PTPRT: variants seen among roughly 807,000 people sequenced by gnomAD.
PTPRT encodes receptor-type tyrosine-protein phosphatase T.
In PTPRT, 56 loss-of-function variants were observed where a neutral mutation model predicts 176.8. The observed-to-expected ratio is 0.32, with a 90% CI of 0.26 to 0.40. The LOEUF is 0.40. Among genes scored for constraint, PTPRT ranks in the 10% least tolerant of loss-of-function variants. PTPRT has a pLI of 1.00. For missense variants in PTPRT, 1,540 were observed against 1,908.2 expected, an observed-to-expected ratio of 0.81 and a Z score of 3.60; for synonymous variants, 783 against 739.0, an observed-to-expected ratio of 1.06 and a Z score of -0.96.
chr20:43,042,708 C>CCCGCCATCTCT (rs1986661218), intron 1 of PTPRT, among the ~76,000 whole-genome samples: 11 of 107,042 alleles, frequency 1.0e-4, no homozygotes, highest in East Asian at 5.7e-4. Flanking sequence ...CTTCCACCCA[C>CCCGCCATCTCT]CCTCCCACCC....
At chr20:42,695,733 T>C (rs1259813404) in intron 6 of PTPRT, among the ~76,000 whole-genome samples, 1 of 152,208 alleles carries the variant, frequency 6.6e-6, no homozygotes, top group African/African-American at 2.4e-5. Context: ...GATTCATTAG[T>C]AAGCAGCTGT....
intron 6 of PTPRT, among the ~76,000 whole-genome samples, chr20:42,706,159 ATC>A (rs113720952): frequency 1.8e-4 from 25 of 141,636 alleles, no homozygotes; most frequent in Non-Finnish European, 2.2e-4. Context: ...GTCTCTCTTT[ATC>A]TCTCTCTCTC....
intron 7 of PTPRT, among the ~76,000 whole-genome samples, chr20:42,573,093 A>T (rs1477211453): frequency 6.6e-6 from 1 of 152,146 alleles, no homozygotes; most frequent in Non-Finnish European, 1.5e-5. Flanking sequence ...CAAATTACAG[A>T]ATGAATTAAT....
intron 2 of PTPRT, among the ~76,000 whole-genome samples, chr20:42,803,478 A>T (rs1420549731): frequency 6.6e-6 from 1 of 152,200 alleles, no homozygotes; most frequent in Non-Finnish European, 1.5e-5. Flanking sequence ...TGCTTTTCCC[A>T]AGAAGGGACA....
intron 15 of PTPRT, among the ~76,000 whole-genome samples, chr20:42,203,067 T>C (rs757312807): frequency 4.6e-5 from 7 of 152,218 alleles, no homozygotes; most frequent in Admixed American, 3.9e-4. Context: ...GATGGCTGAC[T>C]CTGTATTTTC....
At chr20:42,599,090 T>G (rs2073729211) in intron 7 of PTPRT, among the ~76,000 whole-genome samples, 1 of 152,100 alleles carries the variant, frequency 6.6e-6, no homozygotes, top group Non-Finnish European at 1.5e-5. Flanking sequence ...GAGGACCTGG[T>G]GGCAAGGGAG....
chr20:43,111,206 A>T (rs1278750517), intron 1 of PTPRT, among the ~76,000 whole-genome samples: 1 of 152,078 alleles, frequency 6.6e-6, no homozygotes, highest in Non-Finnish European at 1.5e-5. Flanking sequence ...CTATAGGAGT[A>T]AGTCTCTGTT....
At chr20:43,010,806 C>G (rs553498009) in intron 1 of PTPRT, among the ~76,000 whole-genome samples, 3 of 152,030 alleles carry the variant, frequency 2.0e-5, no homozygotes. Flanking sequence ...AGGTTCTTCA[C>G]GTATCAAGGA....
intron 14 of PTPRT, among the ~76,000 whole-genome samples, chr20:42,242,807 C>T (rs1014972093): frequency 3.9e-5 from 6 of 152,146 alleles, no homozygotes; most frequent in Non-Finnish European, 7.4e-5. Context: ...TACTTCTTCC[C>T]TCACTTCCAC....
intron 9 of PTPRT, among the ~76,000 whole-genome samples, chr20:42,359,423 C>T (rs2058401603): frequency 6.6e-6 from 1 of 152,220 alleles, no homozygotes; most frequent in African/African-American, 2.4e-5. Context: ...GGAGCCAACA[C>T]ATGGCCCCAG....
chr20:42,542,898 G>A (rs1704083024), intron 7 of PTPRT, among the ~76,000 whole-genome samples: 1 of 152,192 alleles, frequency 6.6e-6, no homozygotes, highest in African/African-American at 2.4e-5. Flanking sequence ...AAAGTTATGT[G>A]TACACTATAG....
chr20:42,832,696 G>C (rs1021697171), intron 2 of PTPRT, among the ~76,000 whole-genome samples: 3 of 48,614 alleles, frequency 6.2e-5, no homozygotes, highest in Non-Finnish European at 1.3e-4. Context: ...CCAGAATACA[G>C]AAAGAAAAAA....
rs780397530 is a variant in PTPRT at position 43,007,532 on chromosome 20, G to A, written c.89-121600C>T. ...TAGAAACACTAATATTTCTCATTACGGATTTTGCTTATCCAGCTGAATCCA... is the reference window on the plus strand; with the variant it reads ...TAGAAACACTAATATTTCTCATTACAGATTTTGCTTATCCAGCTGAATCCA... On this transcript the variant is annotated intron_variant, in intron 1 of 30. Transcript: ENST00000373187. Among the ~76,000 whole-genome samples, 35 of 152,094 alleles carry A rather than the reference G, an allele frequency of 2.3e-4. 1 individual carries two copies. The highest frequency in any genetic ancestry group is 2.5e-4 in the Non-Finnish European group (17 of 68,018).
chr20:42,148,856 C>G (rs1988998895), intron 17 of PTPRT, among the ~76,000 whole-genome samples: 1 of 152,224 alleles, frequency 6.6e-6, no homozygotes, highest in South Asian at 2.1e-4. Flanking sequence ...CCAATTACAG[C>G]TCTAGCCTCT....
intron 9 of PTPRT, among the ~76,000 whole-genome samples, chr20:42,355,552 T>C (rs1177852790): frequency 1.3e-5 from 2 of 152,100 alleles, no homozygotes; most frequent in African/African-American, 2.4e-5. Context: ...AGATCTGGGA[T>C]GGGAAAAGGT....
intron 16 of PTPRT, among the ~76,000 whole-genome samples, chr20:42,165,585 A>T (rs1252724507): frequency 6.6e-6 from 1 of 152,260 alleles, no homozygotes; most frequent in East Asian, 1.9e-4. Context: ...AACTTTCCAC[A>T]ACAATGGAAG....
chr20:42,840,501 C>T (rs963911171), intron 2 of PTPRT, among the ~76,000 whole-genome samples: 2 of 152,134 alleles, frequency 1.3e-5, no homozygotes, highest in African/African-American at 4.8e-5. Context: ...CAACCTCCGC[C>T]TCCTGGGTTC....
chr20:42,170,443 ACAACAGACTTTTCC>A lies in PTPRT; in HGVS notation c.2492-8915_2492-8902del, dbSNP rs565998249. Among the ~76,000 whole-genome samples, 10 of 152,358 alleles carry A rather than the reference ACAACAGACTTTTCC, an allele frequency of 6.6e-5. No homozygotes were observed. The South Asian group carries it at 1.9e-3, about 28-fold the overall frequency. On this transcript the variant is annotated intron_variant, in intron 16 of 30. Coordinates refer to ENST00000373187, the MANE Select transcript of PTPRT (RefSeq NM_007050.6). ...TTAAAGGTGAAATAATAAGACTAAG[ACAACAGACTTTTCC>A]CAAAATAGATCAAGTTAAGAAGTAG...
At chr20:42,053,911 A>G in the PTPRT span, among the ~76,000 whole-genome samples, 2 of 152,152 alleles carry the variant, frequency 1.3e-5, no homozygotes, top group Admixed American at 1.3e-4. Flanking sequence ...CTGGAGAGGA[A>G]GAGGGGTCTA....
Sources: gnomAD v4.1 joint callset for allele counts (sites outside exome capture counted in the v4.1 genomes callset) on GRCh38, gnomAD v4.1.1 for gene constraint, MANE v1.5 for transcripts, NCBI Gene and HGNC (gene_info 2026-07-23, HGNC 2026-07-21) for gene names.